The following NME7 variants were observed in gnomAD, a reference collection of about 807,000 sequenced individuals.
NME7 encodes NME/NM23 family member 7, also known as nucleoside diphosphate kinase 7.
Under a neutral mutation model 49.1 loss-of-function variants are expected in NME7, and 41 were observed. The observed-to-expected ratio is 0.83, with a 90% confidence interval of 0.65 to 1.08. NME7 has a LOEUF of 1.08. Ranked by LOEUF, NME7 falls within the 50% of genes least tolerant of loss-of-function variation. NME7 has a pLI of 0.00. For synonymous variants in NME7, 139 were observed against 150.6 expected (o/e 0.92, Z 0.56); for missense variants, 423 against 463.4 (o/e 0.91, Z 0.80).
intron 1 of NME7, among the ~76,000 whole-genome samples, chr1:169,354,874 CAT>C (rs1557836947): frequency 5.1e-5 from 6 of 117,110 alleles, no homozygotes; most frequent in Admixed American, 3.0e-4. Context: ...TAATTATAAA[CAT>C]AATAATATAT....
intron 7 of NME7, among the ~76,000 whole-genome samples, chr1:169,250,081 T>A (rs1372187995): frequency 6.6e-6 from 1 of 152,058 alleles, no homozygotes; most frequent in Non-Finnish European, 1.5e-5. Context: ...TAGGATTCAG[T>A]TGTGAATCCA....
chr1:169,248,490 C>T (rs575551297), intron 7 of NME7, among the ~76,000 whole-genome samples: 2 of 151,846 alleles, frequency 1.3e-5, no homozygotes, highest in South Asian at 2.1e-4. Flanking sequence ...TAATTAGGTC[C>T]TATTTATTTA....
At chr1:169,361,418 T>C (rs1275842357) in intron 1 of NME7, among the ~76,000 whole-genome samples, 1 of 152,226 alleles carries the variant, frequency 6.6e-6, no homozygotes, top group African/African-American at 2.4e-5. Flanking sequence ...TAAAATCCTG[T>C]GGATCTTTGG....
intron 6 of NME7, among the ~76,000 whole-genome samples, chr1:169,296,185 T>C (rs1274211436): frequency 1.3e-5 from 2 of 152,182 alleles, no homozygotes; most frequent in African/African-American, 4.8e-5. Context: ...ATTCACTAAC[T>C]ACAATTCCCG....
chr1:169,162,945 A>G (rs1281602994), intron 11 of NME7, among the ~76,000 whole-genome samples: 1 of 152,236 alleles, frequency 6.6e-6, no homozygotes, highest in Non-Finnish European at 1.5e-5. Context: ...ATACCCATTC[A>G]GCAACATTGA....
intron 4 of NME7, among the ~76,000 whole-genome samples, chr1:169,307,994 T>C (rs993297350): frequency 7.0e-6 from 1 of 143,250 alleles, no homozygotes; most frequent in Non-Finnish European, 1.5e-5. Context: ...CACTCCAGCC[T>C]GGGCAACAGA....
At chr1:169,358,587 A>C (rs1653540709) in intron 1 of NME7, among the ~76,000 whole-genome samples, 1 of 152,252 alleles carries the variant, frequency 6.6e-6, no homozygotes, top group African/African-American at 2.4e-5. Context: ...GAATTTTAAC[A>C]ATTTATAATA....
chr1:169,199,290 C>A (rs909440803), intron 10 of NME7, among the ~76,000 whole-genome samples: 2 of 151,790 alleles, frequency 1.3e-5, no homozygotes, highest in African/African-American at 4.8e-5. Flanking sequence ...CTCACTTATT[C>A]TTCACAATAA....
At chr1:169,219,173 C>T (rs889901450) in intron 10 of NME7, among the ~76,000 whole-genome samples, 1 of 152,182 alleles carries the variant, frequency 6.6e-6, no homozygotes, top group Non-Finnish European at 1.5e-5. Flanking sequence ...CCCCACTCAA[C>T]ACAGACTGGG....
At chr1:169,209,456 T>C (rs987699445) in intron 10 of NME7, among the ~76,000 whole-genome samples, 2 of 152,120 alleles carry the variant, frequency 1.3e-5, no homozygotes, top group African/African-American at 4.8e-5. Flanking sequence ...TCTTCATCTA[T>C]AGTAAATAAA....
rs947715555 is a variant in NME7, at chr1:169,272,403, A to T, written c.754+14900T>A. Reference sequence around the variant, plus strand: ...CATATCAACTCATTATCTAGGTATTAACCCCAGCATCCATTAGCTATTCTT... The same window carrying T: ...CATATCAACTCATTATCTAGGTATTTACCCCAGCATCCATTAGCTATTCTT... On this transcript the variant is annotated intron_variant, in intron 7 of 11. Coordinates refer to ENST00000367811, the MANE Select transcript of NME7 (RefSeq NM_013330.5). Among the ~76,000 whole-genome samples the T allele has an allele frequency of 1.8e-4, 24 of 131,204 alleles. 7 individuals are homozygous for T. Among genetic ancestry groups the T allele is most frequent in the Non-Finnish European group, 3.7e-4 (21 of 56,060 alleles). The allele number at this position is 131,204 out of a possible 152,430, so 86.1% of individuals were successfully genotyped here.
intron 2 of NME7, 33 bp from the exon 3 acceptor site, chr1:169,323,316 C>T: frequency 6.9e-7 from 1 of 1,438,898 alleles, no homozygotes. Flanking sequence ...AACAAACAAA[C>T]AAAAAAAGTT....
intron 5 of NME7, among the ~76,000 whole-genome samples, chr1:169,299,392 C>G (rs1650841105): frequency 6.6e-6 from 1 of 152,132 alleles, no homozygotes; most frequent in Non-Finnish European, 1.5e-5. Context: ...AAAAATCCAG[C>G]ACTGAGTCAC....
At chr1:169,244,635 CAAAAA>C (rs71121747) in intron 7 of NME7, among the ~76,000 whole-genome samples, 2 of 85,362 alleles carry the variant, frequency 2.3e-5, no homozygotes, top group Non-Finnish European at 4.5e-5. Flanking sequence ...GACTCCATCT[CAAAAA>C]AAAAAAAAAA....
intron 10 of NME7, among the ~76,000 whole-genome samples, chr1:169,194,930 T>A (rs1167378723): frequency 6.6e-6 from 1 of 152,150 alleles, no homozygotes; most frequent in Non-Finnish European, 1.5e-5. Context: ...TCTTTTGAGG[T>A]TGGTGTTTAG....
rs554829749 is a variant in NME7, at chr1:169,292,354, C to T, written c.649-4946G>A. ...GACTTCATCAGAAGTAAAAATTGCT[C>T]ATCCAAAGATATTGTTAAAGAGGAT... On this transcript the variant is annotated intron_variant, in intron 6 of 11. Coordinates refer to ENST00000367811, the MANE Select transcript of NME7 (RefSeq NM_013330.5). Among the ~76,000 whole-genome samples the T allele has an allele frequency of 2.6e-5, 4 of 152,266 alleles. No individual in the cohort carries two copies. In the East Asian group the frequency reaches 5.8e-4, roughly 22 times the overall value.
At chr1:169,190,165 G>A (rs1240132110) in intron 10 of NME7, among the ~76,000 whole-genome samples, 1 of 151,930 alleles carries the variant, frequency 6.6e-6, no homozygotes, top group African/African-American at 2.4e-5. Context: ...TTATGTATAA[G>A]TCTGGTCTCT....
At chr1:169,292,959 T>C (rs909510574) in intron 6 of NME7, among the ~76,000 whole-genome samples, 1 of 152,066 alleles carries the variant, frequency 6.6e-6, no homozygotes, top group Non-Finnish European at 1.5e-5. Flanking sequence ...CAAATTTCTT[T>C]CCTAGAGATG....
chr1:169,281,977 A>G (rs1224871855), intron 7 of NME7, among the ~76,000 whole-genome samples: 1 of 152,166 alleles, frequency 6.6e-6, no homozygotes, highest in Non-Finnish European at 1.5e-5. Context: ...TGAGTTAGGA[A>G]GGATTCCCTC....
Sources: allele counts gnomAD v4.1 joint callset (sites outside exome capture counted in the v4.1 genomes callset), GRCh38; gene constraint gnomAD v4.1.1; transcripts MANE v1.5; gene names NCBI Gene and HGNC (gene_info 2026-07-23, HGNC 2026-07-21).